Variants in LTBP1 observed in about 807,000 individuals in gnomAD.
LTBP1 encodes the protein latent-transforming growth factor beta-binding protein 1.
In LTBP1, 129 loss-of-function variants were observed where a neutral mutation model predicts 207.6. That is an observed-to-expected ratio of 0.62 (90% CI 0.54 to 0.72). The LOEUF is 0.72. Among genes scored for constraint, LTBP1 ranks in the 30% least tolerant of loss-of-function variants. LTBP1 has a pLI of 0.00. For synonymous variants in LTBP1, 963 were observed against 833.7 expected, an observed-to-expected ratio of 1.16 and a Z score of -2.67; for missense variants, 2,281 against 2,217.2, an observed-to-expected ratio of 1.03 and a Z score of -0.58.
chr2:33,234,796 G>A (rs1558860563), intron 9 of LTBP1, among the ~76,000 whole-genome samples: 2 of 152,084 alleles, frequency 1.3e-5, no homozygotes, highest in Non-Finnish European at 2.9e-5. Context: ...AAAGCTGGAG[G>A]CATCACACTA....
intron 2 of LTBP1, among the ~76,000 whole-genome samples, chr2:33,013,164 A>G (rs1164290331): frequency 6.6e-6 from 1 of 152,200 alleles, no homozygotes; most frequent in Admixed American, 6.5e-5. Context: ...CTACTGAAAT[A>G]TTTGAAACAT....
rs576486534 is a variant in LTBP1 at position 33,263,682 on chromosome 2, G to A, written c.2617+290G>A. Among the ~76,000 whole-genome samples the A allele has an allele frequency of 5.3e-4, 81 of 152,266 alleles. 1 individual carries two copies. The South Asian group carries it at 0.012, about 23-fold the overall frequency. On this transcript the variant is annotated intron_variant, in intron 15 of 33. Transcript: ENST00000404816. Reference sequence around the variant, plus strand: ...TAAATACAGAATACAGGCTGGGTGCGGTGGCTCATGCCTATAATCCCAGCA... The same window carrying A: ...TAAATACAGAATACAGGCTGGGTGCAGTGGCTCATGCCTATAATCCCAGCA...
intron 22 of LTBP1, among the ~76,000 whole-genome samples, chr2:33,304,503 A>G (rs2094052576): frequency 6.6e-6 from 1 of 152,200 alleles, no homozygotes. Flanking sequence ...CTCCTCGTAG[A>G]GTCAGACTCC....
chr2:33,215,749 G>A (rs932224316), intron 7 of LTBP1, among the ~76,000 whole-genome samples: 2 of 138,526 alleles, frequency 1.4e-5, no homozygotes, highest in East Asian at 2.1e-4. Flanking sequence ...ATAGAGTCTC[G>A]CTCTGTCGCC....
At chr2:33,345,371 A>G (rs766809801) in intron 25 of LTBP1, among the ~76,000 whole-genome samples, 7 of 152,230 alleles carry the variant, frequency 4.6e-5, no homozygotes, top group Non-Finnish European at 7.3e-5. Context: ...TACCCCACAT[A>G]TAGGCCGTAC....
intron 15 of LTBP1, 131 bp downstream of exon 15, chr2:33,263,523 A>G: frequency 3.4e-6 from 2 of 594,852 alleles, no homozygotes; most frequent in South Asian, 2.3e-5. Context: ...TTTGGAAATC[A>G]TCTAAATACA....
chr2:32,979,978 CAAGTAT>C (rs1170482618), intron 2 of LTBP1, among the ~76,000 whole-genome samples: 1 of 152,040 alleles, frequency 6.6e-6, no homozygotes, highest in East Asian at 1.9e-4. Context: ...TTGTCTGATA[CAAGTAT>C]AACTATTTCT....
chr2:33,377,836 C>A (rs79339022), intron 31 of LTBP1, among the ~76,000 whole-genome samples: 1 of 152,050 alleles, frequency 6.6e-6, no homozygotes, highest in Non-Finnish European at 1.5e-5. Context: ...TCTTACCTGG[C>A]GACAGGACAG....
chr2:33,340,870 T>A (rs2094610695), intron 24 of LTBP1, among the ~76,000 whole-genome samples: 1 of 152,208 alleles, frequency 6.6e-6, no homozygotes, highest in South Asian at 2.1e-4. Context: ...CATTTACAGA[T>A]AGACTGTAAT....
At chr2:32,959,547 ATATG>A (rs1161976370) in intron 2 of LTBP1, among the ~76,000 whole-genome samples, 20 of 103,516 alleles carry the variant, frequency 1.9e-4, no homozygotes, top group African/African-American at 5.3e-4. Flanking sequence ...TGCTGTATAT[ATATG>A]TGTGTGTGTG....
At chr2:32,994,883 T>C (rs75444443) in intron 2 of LTBP1, among the ~76,000 whole-genome samples, 19 of 152,324 alleles carry the variant, frequency 1.2e-4, no homozygotes, top group East Asian at 3.9e-4. Flanking sequence ...AGATCTTGCA[T>C]TGGTATTTTC....
At chr2:33,239,610 C>T (rs1218552672) in intron 9 of LTBP1, among the ~76,000 whole-genome samples, 3 of 151,756 alleles carry the variant, frequency 2.0e-5, no homozygotes, top group East Asian at 1.9e-4. Flanking sequence ...GAGACTTGGC[C>T]GGATGCAGTG....
chr2:33,252,910 G>T, intron 11 of LTBP1, 66 bp downstream of exon 11: 1 of 1,353,538 alleles, frequency 7.4e-7, no homozygotes, highest in Non-Finnish European at 9.8e-7. Flanking sequence ...GACAACTTTG[G>T]CACCTTGGGT....
intron 9 of LTBP1, among the ~76,000 whole-genome samples, chr2:33,237,052 A>T (rs1468217886): frequency 2.0e-5 from 3 of 152,166 alleles, no homozygotes; most frequent in African/African-American, 7.2e-5. Context: ...TAGGCTTTTA[A>T]TGGCAGTGGG....
At chr2:32,952,472 T>C (rs1294660905) in intron 2 of LTBP1, among the ~76,000 whole-genome samples, 1 of 152,220 alleles carries the variant, frequency 6.6e-6, no homozygotes, top group Non-Finnish European at 1.5e-5. Flanking sequence ...ATTGGATGAC[T>C]CTTGATAGCC....
chr2:33,268,833 C>A (rs145434043), intron 15 of LTBP1, among the ~76,000 whole-genome samples: 2 of 152,202 alleles, frequency 1.3e-5, no homozygotes, highest in Non-Finnish European at 2.9e-5. Flanking sequence ...TCTTCCCAAG[C>A]TTTCTCCATG....
intron 24 of LTBP1, among the ~76,000 whole-genome samples, chr2:33,326,318 G>A (rs11894366): frequency 6.6e-6 from 1 of 152,102 alleles, no homozygotes; most frequent in Non-Finnish European, 1.5e-5. Context: ...CACAAACTGC[G>A]TGTTTGCAAA....
chr2:33,352,913 A>G (rs1019648572), intron 26 of LTBP1, among the ~76,000 whole-genome samples: 2 of 148,580 alleles, frequency 1.3e-5, no homozygotes, highest in African/African-American at 4.9e-5. Context: ...TCCCAAGATG[A>G]TGACTTTGCC....
At chr2:33,331,261 A>C (rs2094491129) in intron 24 of LTBP1, among the ~76,000 whole-genome samples, 1 of 151,156 alleles carries the variant, frequency 6.6e-6, no homozygotes. Context: ...TTTTATATTT[A>C]CACTTTGGGG....
Sources: gnomAD v4.1 joint callset for allele counts (sites outside exome capture counted in the v4.1 genomes callset) on GRCh38, gnomAD v4.1.1 for gene constraint, MANE v1.5 for transcripts, NCBI Gene and HGNC (gene_info 2026-07-23, HGNC 2026-07-21) for gene names.